Variants in BRINP3 observed in about 807,000 individuals in gnomAD.
BRINP3 encodes the protein BMP/retinoic acid inducible neural specific 3, also known as BMP/retinoic acid-inducible neural-specific protein 3.
A neutral mutation model predicts 71.0 loss-of-function variants in BRINP3; 19 were observed. That is an observed-to-expected ratio of 0.27 (90% CI 0.19 to 0.39). The LOEUF (loss-of-function observed/expected upper bound fraction) is 0.39. Ranked by LOEUF, BRINP3 falls within the 10% of genes least tolerant of loss-of-function variation. The probability of loss-of-function intolerance (pLI) is 1.00; values close to 1 mark genes in which losing one functional copy is unlikely to be tolerated. For synonymous variants in BRINP3, 380 were observed against 337.7 expected, an observed-to-expected ratio of 1.13 and a Z score of -1.37; for missense variants, 959 against 940.8, an observed-to-expected ratio of 1.02 and a Z score of -0.25.
chr1:190,238,087 T>C lies in BRINP3; in HGVS notation c.619-3610A>G, dbSNP rs113538017. On this transcript the variant is annotated intron_variant, in intron 4 of 7. Coordinates refer to ENST00000367462, the MANE Select transcript of BRINP3 (RefSeq NM_199051.3). Reference sequence around the variant, plus strand: ...TTGACAAACTGCTATACCAGTTATTTAATTTTATACATTTTGCCCCTGTTT... The same window carrying C: ...TTGACAAACTGCTATACCAGTTATTCAATTTTATACATTTTGCCCCTGTTT... 1.7e-3 allele frequency among the ~76,000 whole-genome samples: 259 copies of C among 152,196 alleles called. 1 individual carries two copies. Among genetic ancestry groups the C allele is most frequent in the Admixed American group, 6.3e-3 (96 of 15,232 alleles).
intron 7 of BRINP3, among the ~76,000 whole-genome samples, chr1:190,146,985 T>C (rs1655944096): frequency 6.6e-6 from 1 of 152,044 alleles, no homozygotes; most frequent in Non-Finnish European, 1.5e-5. Flanking sequence ...ACAAGATTTT[T>C]ATTACATTTA....
chr1:190,395,588 G>T lies in BRINP3; in HGVS notation c.236+59067C>A, dbSNP rs575818777. ...ATATGATTTTATAATATATGATTGG[G>T]TTATATATATGACTAAATTAAGAAA... is the stretch of plus-strand genomic sequence containing the variant. On this transcript the variant is annotated intron_variant, in intron 2 of 7. Coordinates refer to ENST00000367462, the MANE Select transcript of BRINP3 (RefSeq NM_199051.3). Among the ~76,000 whole-genome samples the T allele has an allele frequency of 2.6e-5, 4 of 151,710 alleles. No homozygotes were observed. The East Asian group carries it at 5.8e-4, about 22-fold the overall frequency.
At chr1:190,417,329 C>G (rs1411086712) in intron 2 of BRINP3, among the ~76,000 whole-genome samples, 1 of 151,998 alleles carries the variant, frequency 6.6e-6, no homozygotes, top group Non-Finnish European at 1.5e-5. Context: ...AGATCAAATA[C>G]AGAAATACAT....
intron 2 of BRINP3, among the ~76,000 whole-genome samples, chr1:190,307,048 T>C (rs1230897453): frequency 6.6e-6 from 1 of 151,874 alleles, no homozygotes; most frequent in African/African-American, 2.4e-5. Context: ...GAGTGTCTAC[T>C]GAGTGCAAAA....
rs114569709 is a variant in BRINP3 at position 190,443,862 on chromosome 1, C to G, written c.236+10793G>C. Among the ~76,000 whole-genome samples, 619 of 152,244 alleles carry G rather than the reference C, an allele frequency of 4.1e-3. 6 individuals carry two copies. Among genetic ancestry groups the G allele is most frequent in the Middle Eastern group, 0.037 (11 of 294 alleles). On this transcript the variant is annotated intron_variant, in intron 2 of 7. Coordinates refer to ENST00000367462, the MANE Select transcript of BRINP3 (RefSeq NM_199051.3). The stretch of plus-strand genomic sequence containing the variant: ...AACAATCAGAACTCAGCTGCAATGA[C>G]TAATCTGAATTAAGCAAGCTTCATT...
intron 7 of BRINP3, among the ~76,000 whole-genome samples, chr1:190,141,632 G>A (rs1013767264): frequency 9.0e-5 from 11 of 122,802 alleles, no homozygotes; most frequent in African/African-American, 2.8e-4. Flanking sequence ...CACGATCTCC[G>A]CTCACTGCAA....
At chr1:190,229,338 C>G (rs574689790) in intron 5 of BRINP3, among the ~76,000 whole-genome samples, 1 of 151,980 alleles carries the variant, frequency 6.6e-6, no homozygotes, top group African/African-American at 2.4e-5. Context: ...CACAAACTCT[C>G]TCTTGTCTGC....
chr1:190,294,293 C>G (rs1405072930), intron 2 of BRINP3, among the ~76,000 whole-genome samples: 1 of 148,820 alleles, frequency 6.7e-6, no homozygotes, highest in Non-Finnish European at 1.5e-5. Flanking sequence ...GGGTCTCACT[C>G]TGTTGCCTAG....
chr1:190,446,664 A>C (rs552223430), intron 2 of BRINP3, among the ~76,000 whole-genome samples: 1 of 152,216 alleles, frequency 6.6e-6, no homozygotes, highest in East Asian at 1.9e-4. Flanking sequence ...TTTGATATCC[A>C]AAAAATTGAA....
At chr1:190,285,501 A>C (rs1571631390) in intron 2 of BRINP3, among the ~76,000 whole-genome samples, 1 of 152,260 alleles carries the variant, frequency 6.6e-6, no homozygotes, top group Non-Finnish European at 1.5e-5. Context: ...TGGGAGGCTG[A>C]GGTGGGAGAA....
intron 2 of BRINP3, among the ~76,000 whole-genome samples, chr1:190,402,061 T>C (rs1217235645): frequency 3.9e-5 from 6 of 152,020 alleles, no homozygotes; most frequent in African/African-American, 1.4e-4. Context: ...AACCAGACAG[T>C]TAACAGTAAA....
rs2103041575 is a variant in BRINP3, at chr1:190,317,630, A to G, written c.237-35880T>C. ...ATAATAGTTTCCCAGTTCTTAAGAA[A>G]GTCACATTGAAAAAAAAATCACAAT... On this transcript the variant is annotated intron_variant, in intron 2 of 7. Transcript: ENST00000367462. 2.7e-5 allele frequency among the ~76,000 whole-genome samples: 4 copies of G among 148,642 alleles called. No individual in the cohort carries two copies. In the Middle Eastern group the frequency reaches 0.011, roughly 395 times the overall value.
At chr1:190,221,941 A>T (rs570941771) in intron 6 of BRINP3, among the ~76,000 whole-genome samples, 1 of 152,214 alleles carries the variant, frequency 6.6e-6, no homozygotes, top group African/African-American at 2.4e-5. Flanking sequence ...AGCTAAAAAT[A>T]TATATAAGAC....
At chr1:190,422,464 C>T (rs1673447907) in intron 2 of BRINP3, among the ~76,000 whole-genome samples, 1 of 151,800 alleles carries the variant, frequency 6.6e-6, no homozygotes, top group African/African-American at 2.4e-5. Context: ...CAAAGCAACT[C>T]TTGATGAAAA....
At chr1:190,118,431 A>C (rs1413865703) in intron 7 of BRINP3, among the ~76,000 whole-genome samples, 1 of 152,194 alleles carries the variant, frequency 6.6e-6, no homozygotes, top group Non-Finnish European at 1.5e-5. Context: ...TACTTTTACC[A>C]GAATGGCTAA....
At chr1:190,251,244 C>T (rs16832220) in intron 4 of BRINP3, among the ~76,000 whole-genome samples, 21,518 of 151,762 alleles carry the variant, frequency 0.14, 2,012 homozygotes, top group South Asian at 0.27. Context: ...TGAACTTGTA[C>T]TTATAACTAT....
At chr1:190,352,839 TTC>T (rs35659970) in intron 2 of BRINP3, among the ~76,000 whole-genome samples, 2,257 of 146,258 alleles carry the variant, frequency 0.015, 46 homozygotes, top group African/African-American at 0.051. Flanking sequence ...GCAACAGATA[TTC>T]TCTCTCTCTC....
At chr1:190,149,625 T>TTGTGTGTG (rs71669261) in intron 7 of BRINP3, among the ~76,000 whole-genome samples, 94 of 146,614 alleles carry the variant, frequency 6.4e-4, no homozygotes, top group African/African-American at 2.1e-3. Flanking sequence ...TGTTGAGTAG[T>TTGTGTGTG]TGTGTGTGTG....
At chr1:190,464,694 A>T (rs114388739) in intron 1 of BRINP3, among the ~76,000 whole-genome samples, 1,600 of 152,002 alleles carry the variant, frequency 0.011, 82 homozygotes, top group Admixed American at 0.08. Flanking sequence ...TTATTATTGC[A>T]CTTTTTTATT....
Sources: gnomAD v4.1 joint callset for allele counts (sites outside exome capture counted in the v4.1 genomes callset) on GRCh38, gnomAD v4.1.1 for gene constraint, MANE v1.5 for transcripts, NCBI Gene and HGNC (gene_info 2026-07-23, HGNC 2026-07-21) for gene names.